Variants in ADAM29 observed in about 807,000 individuals in gnomAD.
ADAM29 encodes the protein ADAM metallopeptidase domain 29, also known as disintegrin and metalloproteinase domain-containing protein 29.
For synonymous variants in ADAM29, 367 were observed against 342.3 expected (o/e 1.07, Z -0.80); for missense variants, 969 against 1,001.8 (o/e 0.97, Z 0.44).
chr4:174,959,455 G>T (rs983791328), intron 4 of ADAM29, among the ~76,000 whole-genome samples: 6 of 136,340 alleles, frequency 4.4e-5, no homozygotes, highest in East Asian at 4.3e-4. Flanking sequence ...GTATGAGAAA[G>T]ACTGTGTGTG....
In ADAM29 at chr4:174,975,572, G is replaced by T; in HGVS notation, c.47G>T (p.Cys16Phe). The change falls in exon 5 of 5, where the codon TGT becomes TTT. Residue 16 changes from cysteine to phenylalanine, a missense_variant. Physicochemically the swap from Cys to Phe is radical, Grantham distance 205. Transcript: ENST00000359240. Reference sequence around the variant, plus strand: ...CATTGCCTTGGGGTGTTTCTGTCCTGTTCTGGACACATCCAGGATGAGCAC... The same window carrying T: ...CATTGCCTTGGGGTGTTTCTGTCCTTTTCTGGACACATCCAGGATGAGCAC... Reference protein sequence around the residue: ...LLHCLGVFLSCSGHIQDEHPQ... With the variant: ...LLHCLGVFLSFSGHIQDEHPQ... The T allele has an allele frequency of 6.4e-7, 1 of 1,574,226 alleles. No homozygotes were observed. Among genetic ancestry groups the T allele is most frequent in the Non-Finnish European group, 8.6e-7 (1 of 1,162,412 alleles).
At chr4:174,928,555 C>A in intron 2 of ADAM29, among the ~76,000 whole-genome samples, 1 of 99,270 alleles carries the variant, frequency 1.0e-5, no homozygotes, top group South Asian at 3.7e-4. Context: ...TCTACAAATT[C>A]CCTGTCATGT....
In ADAM29 at chr4:174,928,006, G is replaced by C. The variant is rs567919702; in HGVS notation, c.-450-2980G>C. 4.8e-4 allele frequency among the ~76,000 whole-genome samples: 73 copies of C among 152,246 alleles called. 1 individual carries two copies. The highest frequency in any genetic ancestry group is 4.6e-3 in the South Asian group (22 of 4,826). On this transcript the variant is annotated intron_variant, in intron 2 of 4. Transcript: ENST00000359240. ...GGCCTGTGTGGCCTTCTTCTGTTTG[G>C]TGGGGGAATATAAGACAAACTGCCA...
intron 4 of ADAM29, among the ~76,000 whole-genome samples, chr4:174,940,758 G>A (rs1214656877): frequency 6.6e-6 from 1 of 152,046 alleles, no homozygotes; most frequent in Non-Finnish European, 1.5e-5. Context: ...CTTTATATGT[G>A]ACATTTTCAG....
intron 4 of ADAM29, among the ~76,000 whole-genome samples, chr4:174,967,663 G>A (rs976113954): frequency 6.6e-6 from 1 of 152,178 alleles, no homozygotes; most frequent in African/African-American, 2.4e-5. Context: ...GTAATAACTA[G>A]TGCAATTTAT....
intron 3 of ADAM29, among the ~76,000 whole-genome samples, chr4:174,933,437 A>G (rs947148400): frequency 2.0e-5 from 3 of 152,204 alleles, no homozygotes; most frequent in Non-Finnish European, 2.9e-5. Context: ...ATGTTAAATC[A>G]TAGAAAAGTC....
intron 2 of ADAM29, among the ~76,000 whole-genome samples, chr4:174,923,245 C>T (rs139866639): frequency 1.3e-5 from 2 of 151,612 alleles, no homozygotes; most frequent in South Asian, 4.2e-4. Flanking sequence ...TTAGTATAGA[C>T]GGGATTTCAC....
rs186357130 is a variant in ADAM29 at position 174,936,955 on chromosome 4, C to T, written c.-239C>T. The T allele has an allele frequency of 2.6e-5, 4 of 152,066 alleles. No homozygotes were observed. The East Asian group carries it at 7.7e-4, about 29-fold the overall frequency. 9.4% of individuals were successfully genotyped at this position (152,066 alleles called of 1,614,324 possible). On this transcript the variant is annotated 5_prime_UTR_variant, in exon 4 of 5. Coordinates refer to ENST00000359240, the MANE Select transcript of ADAM29 (RefSeq NM_014269.4). Reference sequence around the variant, plus strand: ...CAGAGAATGTGACTTTCCTGAACAACAGGAGCAAGAATCAATGCCAGATTC... The same window carrying T: ...CAGAGAATGTGACTTTCCTGAACAATAGGAGCAAGAATCAATGCCAGATTC...
At chr4:174,975,097 A>G (rs968986621) in intron 4 of ADAM29, among the ~76,000 whole-genome samples, 4 of 152,172 alleles carry the variant, frequency 2.6e-5, no homozygotes, top group Non-Finnish European at 5.9e-5. Context: ...TAGTGAATCA[A>G]TTTCCCACCG....
intron 4 of ADAM29, among the ~76,000 whole-genome samples, chr4:174,948,986 C>T (rs2111007811): frequency 6.6e-6 from 1 of 152,238 alleles, no homozygotes; most frequent in East Asian, 1.9e-4. Flanking sequence ...CACGGGGAGT[C>T]TTCAGCGAGG....
intron 4 of ADAM29, among the ~76,000 whole-genome samples, chr4:174,968,071 T>C (rs1746252785): frequency 6.6e-6 from 1 of 152,190 alleles, no homozygotes; most frequent in African/African-American, 2.4e-5. Flanking sequence ...TTTTCCTTCG[T>C]GTTTCTTTCT....
intron 4 of ADAM29, among the ~76,000 whole-genome samples, chr4:174,958,084 T>C (rs957247910): frequency 6.6e-6 from 1 of 151,816 alleles, no homozygotes; most frequent in Non-Finnish European, 1.5e-5. Context: ...CAGGATGTGA[T>C]CTACCTTAGT....
At chr4:174,922,626 AAG>A (rs1045231238) in intron 2 of ADAM29, among the ~76,000 whole-genome samples, 4 of 152,188 alleles carry the variant, frequency 2.6e-5, no homozygotes, top group African/African-American at 9.6e-5. Flanking sequence ...GTGAAGAGGT[AAG>A]AGAGAGACCC....
At chr4:174,950,757 G>T (rs1303660821) in intron 4 of ADAM29, among the ~76,000 whole-genome samples, 1 of 152,154 alleles carries the variant, frequency 6.6e-6, no homozygotes, top group Non-Finnish European at 1.5e-5. Context: ...GCAATCTTCA[G>T]TGTTGAAGGA....
intron 2 of ADAM29, among the ~76,000 whole-genome samples, chr4:174,925,172 T>C (rs939723904): frequency 6.6e-6 from 1 of 152,186 alleles, no homozygotes; most frequent in African/African-American, 2.4e-5. Context: ...AATTGTGATG[T>C]GGTGTCCTGG....
In ADAM29 at chr4:174,978,033, G is replaced by T; in HGVS notation, c.*45G>T. 6.3e-7 allele frequency: 1 copy of T among 1,595,530 alleles called. No homozygotes were observed. The highest frequency in any genetic ancestry group is 8.6e-7 in the Non-Finnish European group (1 of 1,169,298). Reference sequence around the variant, plus strand: ...CTTCCCAGAGTCAACCTCCTGTGACGCCCTCCCAGAGCCAACCTCGGGTGA... The same window carrying T: ...CTTCCCAGAGTCAACCTCCTGTGACTCCCTCCCAGAGCCAACCTCGGGTGA... On this transcript the variant is annotated 3_prime_UTR_variant, in exon 5 of 5. Coordinates refer to ENST00000359240, the MANE Select transcript of ADAM29 (RefSeq NM_014269.4).
At chr4:174,970,723 G>T (rs1165035733) in intron 4 of ADAM29, among the ~76,000 whole-genome samples, 1 of 152,074 alleles carries the variant, frequency 6.6e-6, no homozygotes, top group Non-Finnish European at 1.5e-5. Flanking sequence ...AAATAAACAT[G>T]CTATGGTAGT....
chr4:174,935,437 A>G (rs921866492), intron 3 of ADAM29, among the ~76,000 whole-genome samples: 1 of 152,140 alleles, frequency 6.6e-6, no homozygotes, highest in South Asian at 2.1e-4. Flanking sequence ...CCATTCTCAG[A>G]GATCTTCATC....
At chr4:174,934,092 A>G (rs929604694) in intron 3 of ADAM29, among the ~76,000 whole-genome samples, 1 of 152,114 alleles carries the variant, frequency 6.6e-6, no homozygotes, top group Non-Finnish European at 1.5e-5. Flanking sequence ...ATTCCCACCA[A>G]CAGTGTTCCC....
Sources: gnomAD v4.1 joint callset for allele counts (sites outside exome capture counted in the v4.1 genomes callset) on GRCh38, gnomAD v4.1.1 for gene constraint, MANE v1.5 for transcripts, NCBI Gene and HGNC (gene_info 2026-07-23, HGNC 2026-07-21) for gene names.